TRPM5: variants seen among roughly 807,000 people sequenced by gnomAD.
The protein encoded by TRPM5 is transient receptor potential cation channel subfamily M member 5, also known as MLSN1 and TRP-related.
TRPM5 carries 121 observed loss-of-function variants against 124.9 expected under a neutral mutation model. The ratio of observed to expected loss-of-function variants is 0.97; its 90% confidence interval spans 0.84 to 1.13. The LOEUF is 1.13. TRPM5 is among the 50% of genes most tolerant of loss of function. TRPM5 has a pLI of 0.00. For synonymous variants in TRPM5, 781 were observed against 700.5 expected (o/e 1.11, Z -1.81); for missense variants, 1,643 against 1,589.1 (o/e 1.03, Z -0.58).
chr11:2,406,275 G>C (rs1850321655), intron 21 of TRPM5, among the ~76,000 whole-genome samples, 184 bp from the exon 27 acceptor site: 1 of 152,152 alleles, frequency 6.6e-6, no homozygotes, highest in Non-Finnish European at 1.5e-5. Context: ...GTGCAGTACA[G>C]AGCGCTCTAT....
chr11:2,444,013 C>A, the TRPM5 span, among the ~76,000 whole-genome samples: 1 of 152,136 alleles, frequency 6.6e-6, no homozygotes, highest in Non-Finnish European at 1.5e-5. Flanking sequence ...ACTAGGGTGG[C>A]GCAAGCGCCT....
At chr11:2,421,289 C>G in intron 2 of TRPM5, 91 bp from the exon 8 acceptor site, 1 of 1,418,480 alleles carries the variant, frequency 7.0e-7, no homozygotes, top group Non-Finnish European at 9.3e-7. Context: ...CAATCAGCAG[C>G]CAGTTACCTG....
rs772585322 is a variant in TRPM5, at chr11:2,414,673, C to A, written c.1744+42G>T. ...CTTCGTCCGACCCCTCCGTCACATC[C>A]TCCCCCGCGCGCGGGCCCGGCCCCA... On this transcript the variant is annotated intron_variant, in intron 11 of 23. Coordinates refer to ENST00000155858, the Ensembl canonical transcript of TRPM5. 4 of 1,463,740 alleles carry A rather than the reference C, an allele frequency of 2.7e-6. No homozygotes were observed. In the South Asian group the frequency reaches 3.8e-5, roughly 14 times the overall value. The allele number at this position is 1,463,740 out of a possible 1,614,324, so 90.7% of individuals were successfully genotyped here. A position where few individuals can be genotyped will look rare whatever the true frequency, so the allele number is the denominator to read the frequency against.
chr11:2,437,196 C>T, the TRPM5 span, among the ~76,000 whole-genome samples: 1 of 152,268 alleles, frequency 6.6e-6, no homozygotes, highest in African/African-American at 2.4e-5. This position sits in a 1 kb window ranked among gnomAD's most constrained non-coding sequence, Gnocchi z 5.6. Flanking sequence ...TACTTGCACA[C>T]ATGTGGGCAG....
At chr11:2,412,090 C>T (rs748388940) in intron 16 of TRPM5, 45 bp downstream of exon 21, 44 of 1,539,202 alleles carry the variant, frequency 2.9e-5, no homozygotes, top group Non-Finnish European at 3.8e-5. Context: ...TGGAAGCCTG[C>T]CCACAAGCCG....
chr11:2,406,565 G>T, intron 21 of TRPM5, 96 bp downstream of exon 26: 1 of 1,483,822 alleles, frequency 6.7e-7, no homozygotes, highest in Non-Finnish European at 9.1e-7. Context: ...TTCAGCTTCA[G>T]TTCGCCAGCT....
exon 4 of TRPM5, chr11:2,420,303 G>T: frequency 6.2e-7 from 1 of 1,612,656 alleles, no homozygotes; most frequent in South Asian, 1.1e-5. Flanking sequence ...TTCCCCGGGG[G>T]GCCTGGCTCC....
At chr11:2,413,481 G>A in exon 13 of TRPM5, 2 of 1,609,108 alleles carry the variant, frequency 1.2e-6, no homozygotes, top group South Asian at 1.1e-5. Flanking sequence ...CCCACCTGAA[G>A]GTGATGAGGT....
At chr11:2,406,059 A>G (rs766394175) in exon 22 of TRPM5, 6 of 1,612,406 alleles carry the variant, frequency 3.7e-6, no homozygotes, top group African/African-American at 1.3e-5. Flanking sequence ...TTGCTCTCTC[A>G]GACCCCCGAG....
chr11:2,405,617 G>A (rs778707935), intron 22 of TRPM5, 24 bp from the exon 28 acceptor site: 62 of 1,552,992 alleles, frequency 4.0e-5, no homozygotes, highest in African/African-American at 5.5e-5. Context: ...ACACGTCCGG[G>A]AAGCTCCAGG....
chr11:2,414,198 A>G, exon 12 of TRPM5: 3 of 1,609,020 alleles, frequency 1.9e-6, no homozygotes, highest in Non-Finnish European at 2.5e-6. Context: ...TAGCACTCGG[A>G]GAAGAGGTCT....
the TRPM5 span, among the ~76,000 whole-genome samples, chr11:2,429,726 G>A: frequency 1.3e-5 from 2 of 152,098 alleles, no homozygotes; most frequent in East Asian, 3.9e-4. This position sits in a 1 kb window ranked among gnomAD's most constrained non-coding sequence, Gnocchi z 8.4. Context: ...GGCAGTGATA[G>A]TTAGGATGAT....
exon 16 of TRPM5, chr11:2,412,150 A>C (rs1850465960): frequency 1.2e-6 from 2 of 1,613,392 alleles, no homozygotes; most frequent in African/African-American, 2.7e-5. Flanking sequence ...GGTGACACCC[A>C]CGATGAACAG....
the TRPM5 span, among the ~76,000 whole-genome samples, chr11:2,443,767 TCAGGGCTGTGTG>T: frequency 1.3e-5 from 2 of 152,102 alleles, no homozygotes; most frequent in Non-Finnish European, 2.9e-5. The surrounding 1 kb of genome is among the most constrained non-coding windows in gnomAD (Gnocchi z 5.0). Flanking sequence ...AGTCCCTGCC[TCAGGGCTGTGTG>T]CAGTATCCTG....
the TRPM5 span, among the ~76,000 whole-genome samples, chr11:2,437,081 C>A: frequency 6.6e-6 from 1 of 152,224 alleles, no homozygotes; most frequent in Non-Finnish European, 1.5e-5. This position sits in a 1 kb window ranked among gnomAD's most constrained non-coding sequence, Gnocchi z 5.6. Context: ...TCCCAGCCTG[C>A]TGGATCCTGC....
chr11:2,405,684 G>A (rs1367361438), intron 22 of TRPM5, 91 bp from the exon 28 acceptor site: 2 of 1,369,048 alleles, frequency 1.5e-6, no homozygotes, highest in Non-Finnish European at 2.0e-6. Flanking sequence ...TCCTGCCAGG[G>A]CCCCCGCTGC....
intron 18 of TRPM5, among the ~76,000 whole-genome samples, chr11:2,410,139 G>C (rs985752777): frequency 1.3e-5 from 2 of 152,222 alleles, no homozygotes; most frequent in African/African-American, 4.8e-5. Context: ...TAATGGCCTG[G>C]AAAATGAATG....
chr11:2,417,706 G>GGGGGCCC, intron 7 of TRPM5, 21 bp downstream of exon 12: 1 of 1,087,304 alleles, frequency 9.2e-7, no homozygotes, highest in Non-Finnish European at 1.4e-6. Context: ...CGCCTGCCTT[G>GGGGGCCC]CCCACCCTGC....
upstream of TRPM5, among the ~76,000 whole-genome samples, chr11:2,425,524 T>C (rs1169675838): frequency 6.6e-6 from 1 of 151,834 alleles, no homozygotes; most frequent in Non-Finnish European, 1.5e-5. Context: ...ATTCTAAGGT[T>C]CCCAGTGGAC....
Sources: gnomAD v4.1 joint callset for allele counts (sites outside exome capture counted in the v4.1 genomes callset) on GRCh38, gnomAD v4.1.1 for gene constraint, Gnocchi (gnomAD v3.1) non-coding constraint, MANE v1.5 for transcripts, NCBI Gene and HGNC (gene_info 2026-07-23, HGNC 2026-07-21) for gene names.